Variants in ADGRV1 observed in about 807,000 individuals in gnomAD.
ADGRV1 encodes the protein adhesion G protein-coupled receptor V1, also known as G-protein coupled receptor 98.
ADGRV1 carries 359 observed loss-of-function variants against 596.2 expected under a neutral mutation model. The observed-to-expected ratio is 0.60, with a 90% CI of 0.55 to 0.66. The LOEUF (loss-of-function observed/expected upper bound fraction) is 0.66. ADGRV1 is among the 30% of genes least tolerant of loss of function. The pLI is 0.00. For missense variants in ADGRV1, 7,274 were observed against 7,575.6 expected, an observed-to-expected ratio of 0.96 and a Z score of 1.48; for synonymous variants, 2,681 against 2,679.2, an observed-to-expected ratio of 1.00 and a Z score of -0.02.
At chr5:91,151,483 A>C (rs1404406447) in intron 88 of ADGRV1, among the ~76,000 whole-genome samples, 1 of 152,178 alleles carries the variant, frequency 6.6e-6, no homozygotes, top group Non-Finnish European at 1.5e-5. Flanking sequence ...TAGTATCCTT[A>C]ATTTTTTGGA....
intron 85 of ADGRV1, among the ~76,000 whole-genome samples, chr5:91,001,011 A>G (rs1393973645): frequency 2.0e-5 from 3 of 152,192 alleles, no homozygotes; most frequent in Non-Finnish European, 2.9e-5. Flanking sequence ...ATCTAAAACC[A>G]TTCTTACAAA....
At chr5:91,054,100 TGTGA>T (rs1351570166) in intron 85 of ADGRV1, among the ~76,000 whole-genome samples, 1,293 of 108,214 alleles carry the variant, frequency 0.012, 20 homozygotes, top group African/African-American at 0.041. Flanking sequence ...TGTGTGTGTG[TGTGA>T]GAGAGAGAGA....
In ADGRV1 at chr5:90,789,751, CTT is replaced by C; in HGVS notation, c.13945_13946del (p.Leu4649ValfsTer2). 1 of 1,559,452 alleles carries C rather than the reference CTT, an allele frequency of 6.4e-7. No homozygotes were observed. Among genetic ancestry groups the C allele is most frequent in the South Asian group, 1.2e-5 (1 of 84,088 alleles). Reference sequence around the variant, plus strand: ...GGAGTTGTTCAGTTTGCTCCTGAAACTTTGTCTAAGAAGACTTATTCAGAGCC... The same window carrying C: ...GGAGTTGTTCAGTTTGCTCCTGAAACTGTCTAAGAAGACTTATTCAGAGCC... On this transcript the variant is annotated frameshift_variant, in exon 69 of 90. Coordinates refer to ENST00000405460, the MANE Select transcript of ADGRV1 (RefSeq NM_032119.4). LOFTEE classifies it high-confidence loss of function.
At chr5:90,821,005 G>T (rs1469857848) in intron 75 of ADGRV1, among the ~76,000 whole-genome samples, 1 of 152,020 alleles carries the variant, frequency 6.6e-6, no homozygotes, top group East Asian at 1.9e-4. Context: ...ATATCCTGCA[G>T]AGTGTTTTCC....
rs748620560 is a variant in ADGRV1, at chr5:90,729,705, A to C, written c.10490A>C (p.Gln3497Pro). Residue 3497 changes from glutamine to proline, a missense_variant, in exon 50 of 90, where the codon CAG becomes CCG. By Grantham distance (76) the Gln-to-Pro change is moderately conservative (BLOSUM62 -1). Coordinates refer to ENST00000405460, the MANE Select transcript of ADGRV1 (RefSeq NM_032119.4). The stretch of plus-strand genomic sequence containing the variant: ...GGACAGTCTTCCTTCAGGTATTTTC[A>C]GTCTGTAGATTTTGCTGCTGTTAAC... ...EMGQSSFRYF[Q>P]SVDFAAVNRI... The C allele has an allele frequency of 6.2e-7, 1 of 1,610,920 alleles. No homozygotes were observed. Among genetic ancestry groups the C allele is most frequent in the Non-Finnish European group, 8.5e-7 (1 of 1,177,360 alleles).
rs1389698374 is a variant in ADGRV1 at position 90,664,062 on chromosome 5, G to A, written c.4752+5784G>A. On this transcript the variant is annotated intron_variant, in intron 21 of 89. Coordinates refer to ENST00000405460, the MANE Select transcript of ADGRV1 (RefSeq NM_032119.4). ...CAGGTAGTGTGATGCCTCCAGCTTT[G>A]TTGTTTTGGCTTAGGATTGCCTTGG... Among the ~76,000 whole-genome samples the A allele has an allele frequency of 1.2e-4, 16 of 135,498 alleles. No homozygotes were observed. The South Asian group carries it at 4.0e-3, about 34-fold the overall frequency. The allele number at this position is 135,498 out of a possible 152,430, so 88.9% of individuals were successfully genotyped here. A position where few individuals can be genotyped will look rare whatever the true frequency, so the allele number is the denominator to read the frequency against.
intron 74 of ADGRV1, among the ~76,000 whole-genome samples, chr5:90,813,926 A>C (rs772353863): frequency 6.6e-6 from 1 of 152,216 alleles, no homozygotes; most frequent in Non-Finnish European, 1.5e-5. Context: ...GAATCATTTT[A>C]CTAGAAATTT....
At chr5:90,697,460 G>A (rs1747339770) in intron 34 of ADGRV1, among the ~76,000 whole-genome samples, 2 of 147,500 alleles carry the variant, frequency 1.4e-5, no homozygotes, top group South Asian at 4.1e-4. Flanking sequence ...TTCTTTGTGA[G>A]GATTAAATGA....
Position 90,693,896 on chromosome 5 carries a change from G to T in ADGRV1, c.7140G>T (p.Gly2380=). The part of the protein sequence containing the change: ...CANITVRRSG[G]HFGRLLLFYS... The stretch of plus-strand genomic sequence containing the variant: ...TTGTCACTCCACATTTTAGCGGAGG[G>T]CACTTTGGTCGGCTGTTGTTGTTCT... The change falls in exon 33 of 90, where the codon GGG becomes GGT. Residue 2380 remains glycine, a synonymous_variant. Transcript: ENST00000405460. The T allele has an allele frequency of 6.5e-7, 1 of 1,546,556 alleles. No homozygotes were observed. Among genetic ancestry groups the T allele is most frequent in the Non-Finnish European group, 8.7e-7 (1 of 1,145,920 alleles).
intron 1 of ADGRV1, among the ~76,000 whole-genome samples, chr5:90,572,410 G>A (rs1756646227): frequency 6.6e-6 from 1 of 152,012 alleles, no homozygotes; most frequent in African/African-American, 2.4e-5. Context: ...TTCTTCTGAA[G>A]AATATGTCAT....
intron 23 of ADGRV1, among the ~76,000 whole-genome samples, chr5:90,674,979 C>T (rs1022544063): frequency 6.6e-6 from 1 of 152,084 alleles, no homozygotes; most frequent in Non-Finnish European, 1.5e-5. Context: ...AGTATTCCTG[C>T]TATTGATGCT....
intron 1 of ADGRV1, among the ~76,000 whole-genome samples, chr5:90,583,850 G>A (rs1758391622): frequency 6.6e-6 from 1 of 150,644 alleles, no homozygotes; most frequent in East Asian, 2.0e-4. Flanking sequence ...AGTAAAATGT[G>A]CACGTTTCAT....
At chr5:90,809,082 G>A (rs1404738227) in intron 73 of ADGRV1, among the ~76,000 whole-genome samples, 1 of 151,720 alleles carries the variant, frequency 6.6e-6, no homozygotes, top group East Asian at 2.0e-4. Context: ...GAGTAGCTGG[G>A]AGTAGTTGGG....
chr5:90,663,272 T>A (rs1770695447), intron 21 of ADGRV1, among the ~76,000 whole-genome samples: 1 of 145,160 alleles, frequency 6.9e-6, no homozygotes, highest in Non-Finnish European at 1.5e-5. Flanking sequence ...CTCCAGCACC[T>A]GTTGTTTCCT....
chr5:90,604,367 A>G (rs1393163988), intron 1 of ADGRV1, among the ~76,000 whole-genome samples: 2 of 152,210 alleles, frequency 1.3e-5, no homozygotes, highest in Non-Finnish European at 2.9e-5. Context: ...TTCAATAAAA[A>G]CAGACTGTCT....
intron 1 of ADGRV1, among the ~76,000 whole-genome samples, chr5:90,592,678 A>G (rs138650180): frequency 0.012 from 1,876 of 152,302 alleles, 12 homozygotes; most frequent in Non-Finnish European, 0.017. Context: ...GAATGGGAGA[A>G]AATTTTTGCA....
At chr5:91,053,386 T>C (rs1228869073) in intron 85 of ADGRV1, among the ~76,000 whole-genome samples, 2 of 152,200 alleles carry the variant, frequency 1.3e-5, no homozygotes, top group Non-Finnish European at 2.9e-5. Context: ...TCCCTACCCC[T>C]CAGAATCAGA....
intron 27 of ADGRV1, among the ~76,000 whole-genome samples, chr5:90,682,102 G>T (rs1745024244): frequency 6.6e-6 from 1 of 152,022 alleles, no homozygotes; most frequent in Admixed American, 6.6e-5. Context: ...CCAACCTCAG[G>T]TGATCCACCC....
Position 91,153,360 on chromosome 5 carries a change from C to G in ADGRV1, c.18764C>G (p.Ser6255Cys), listed in dbSNP as rs776016062. 2 of 1,609,800 alleles carry G rather than the reference C, an allele frequency of 1.2e-6. No individual in the cohort carries two copies. The highest frequency in any genetic ancestry group is 3.4e-5 in the Admixed American group (2 of 59,328). Residue 6255 changes from serine to cysteine, a missense_variant, in exon 89 of 90, where the codon TCC becomes TGC. Ser to Cys is a moderately radical substitution (Grantham distance 112, BLOSUM62 -1). This residue lies in a region of ADGRV1 where 1,874 missense variants were observed against 1,970.2 expected (regional missense o/e 0.95). Coordinates refer to ENST00000405460, the MANE Select transcript of ADGRV1 (RefSeq NM_032119.4). ...GQGSLIADEE[S>C]QEFDDLIFAL... ...GGGTCACTGATAGCCGATGAGGAGT[C>G]CCAGGAGTTTGATGATTTAATATTT...
Sources: allele counts gnomAD v4.1 joint callset (sites outside exome capture counted in the v4.1 genomes callset), GRCh38; gene constraint gnomAD v4.1.1; regional missense constraint gnomAD v4.1.1; transcripts MANE v1.5; gene names NCBI Gene and HGNC (gene_info 2026-07-23, HGNC 2026-07-21).